ATP10B: variants seen among roughly 807,000 people sequenced by gnomAD.
The protein encoded by ATP10B is ATPase phospholipid transporting 10B (putative), also known as phospholipid-transporting ATPase VB.
ATP10B carries 122 observed loss-of-function variants against 141.2 expected under a neutral mutation model. That is an observed-to-expected ratio of 0.86 (90% CI 0.75 to 1.00). The LOEUF (loss-of-function observed/expected upper bound fraction) is 1.00. Ranked by LOEUF, ATP10B falls within the 50% of genes least tolerant of loss-of-function variation. The pLI, the probability that ATP10B is intolerant of heterozygous loss-of-function variation, is 0.00. For missense variants in ATP10B, 1,876 were observed against 1,825.3 expected (o/e 1.03, Z -0.51); for synonymous variants, 685 against 692.0 (o/e 0.99, Z 0.16).
the ATP10B span, among the ~76,000 whole-genome samples, chr5:160,916,632 G>A: frequency 0.041 from 6,224 of 152,200 alleles, 169 homozygotes; most frequent in South Asian, 0.078. Flanking sequence ...CCATTTTAGT[G>A]TTAAGGAAAT....
At position 160,565,810 on chromosome 5, in the gene ATP10B, GTTTCT is replaced by G; in HGVS notation, c.4024_4028del (p.Arg1342ProfsTer43). The G allele has an allele frequency of 6.2e-7, 1 of 1,614,080 alleles. No homozygotes were observed. Among genetic ancestry groups the G allele is most frequent in the Non-Finnish European group, 8.5e-7 (1 of 1,179,970 alleles). On this transcript the variant is annotated frameshift_variant, in exon 26 of 26. Coordinates refer to ENST00000327245, the MANE Select transcript of ATP10B (RefSeq NM_025153.3). LOFTEE classifies it low-confidence loss of function (END_TRUNC). ...TGCTTCTCCAACTCTGGATTTCCAG[GTTTCT>G]TTTGTCTGGGGGGAGTTTGTCAATT... is the stretch of plus-strand genomic sequence containing the variant.
rs751303457 is a variant in ATP10B at position 160,565,771 on chromosome 5, G to C, written c.4068C>G (p.Ala1356=). The C allele has an allele frequency of 1.9e-6, 3 of 1,613,894 alleles. No homozygotes were observed. Among genetic ancestry groups the C allele is most frequent in the Middle Eastern group, 1.6e-4 (1 of 6,082 alleles). ...TTGGTCGAGCCACTTCGGGGACAGG[G>C]GCAGGCCTCTGTCTGCTTCTCCAAC... is the stretch of plus-strand genomic sequence containing the variant. ...IQSWRSRQRP[A]PVPEVARPTH... The change falls in exon 26 of 26, where the codon GCC becomes GCG. Residue 1356 remains alanine (A), a synonymous_variant. Coordinates refer to ENST00000327245, the MANE Select transcript of ATP10B (RefSeq NM_025153.3).
intron 24 of ATP10B, 46 bp downstream of exon 24, chr5:160,589,546 G>T: frequency 7.0e-7 from 1 of 1,426,084 alleles, no homozygotes; most frequent in South Asian, 1.1e-5. Context: ...TATAGTCAAT[G>T]GGCAGGAGCA....
intron 24 of ATP10B, among the ~76,000 whole-genome samples, chr5:160,574,269 C>T (rs111648012): frequency 0.015 from 2,225 of 152,200 alleles, 57 homozygotes; most frequent in African/African-American, 0.051. Context: ...CTTGTCTCTA[C>T]TACAAATACA....
chr5:160,825,702 G>C (rs1257193544), intron 1 of ATP10B, among the ~76,000 whole-genome samples: 1 of 152,104 alleles, frequency 6.6e-6, no homozygotes, highest in Non-Finnish European at 1.5e-5. Flanking sequence ...TTTCATTTTA[G>C]ATACGGGGAT....
At chr5:160,882,598 A>T in the ATP10B span, among the ~76,000 whole-genome samples, 1,904 of 33,738 alleles carry the variant, frequency 0.056, 37 homozygotes, top group African/African-American at 0.08. Flanking sequence ...ATAAATTCAT[A>T]AAAAAGTCAT....
At chr5:160,783,305 AAT>A (rs1165625368) in intron 2 of ATP10B, among the ~76,000 whole-genome samples, 1 of 151,142 alleles carries the variant, frequency 6.6e-6, no homozygotes, top group African/African-American at 2.4e-5. Context: ...CACTTAGACT[AAT>A]AGTCTCCAGT....
the ATP10B span, among the ~76,000 whole-genome samples, chr5:160,882,104 G>C: frequency 6.6e-6 from 1 of 152,208 alleles, no homozygotes; most frequent in East Asian, 1.9e-4. Context: ...GGGAGGAGGA[G>C]GCAAGGAATG....
chr5:160,791,498 G>A (rs746901385), intron 1 of ATP10B, among the ~76,000 whole-genome samples: 4 of 152,090 alleles, frequency 2.6e-5, no homozygotes, highest in African/African-American at 7.2e-5. Context: ...CTGGAGATAG[G>A]CAGTCCAGGG....
intron 2 of ATP10B, among the ~76,000 whole-genome samples, chr5:160,738,529 G>A (rs1054183986): frequency 4.6e-5 from 7 of 151,940 alleles, no homozygotes; most frequent in African/African-American, 1.7e-4. Context: ...TCTCAAAAAG[G>A]TAGAAGAAAT....
chr5:160,846,438 T>C (rs1311121361), intron 1 of ATP10B, among the ~76,000 whole-genome samples: 1 of 152,184 alleles, frequency 6.6e-6, no homozygotes, highest in African/African-American at 2.4e-5. Context: ...CATTGACAAT[T>C]AAAACTGGAA....
In ATP10B at chr5:160,570,811, CTTTA is replaced by C. The variant is rs1369972226; in HGVS notation, c.3751-1132_3751-1129del. Among the ~76,000 whole-genome samples the C allele has an allele frequency of 2.0e-5, 3 of 152,242 alleles. No individual in the cohort carries two copies. In the East Asian group the frequency reaches 5.8e-4, roughly 29 times the overall value. ...TCTGACAGTGATATGCTCTCTGATG[CTTTA>C]TTTCATTGTTCTTGAAATTTGTCTT... On this transcript the variant is annotated intron_variant, in intron 24 of 25. Coordinates refer to ENST00000327245, the MANE Select transcript of ATP10B (RefSeq NM_025153.3).
Position 160,606,837 on chromosome 5 carries a change from A to T in ATP10B, c.3088T>A (p.Ser1030Thr). ...ATCATACTCTTCTGGAGTGGCGTGG[A>T]GCGGCAGCACAGGACGGACCGACAA... ...QYCRSVLCCRSTPLQKSMIVK... is the reference protein window; with the variant it reads ...QYCRSVLCCRTTPLQKSMIVK... The change falls in exon 19 of 26, where the codon TCC becomes ACC. Residue 1030 changes from serine to threonine, a missense_variant. Ser to Thr is a moderately conservative substitution (Grantham distance 58). Coordinates refer to ENST00000327245, the MANE Select transcript of ATP10B (RefSeq NM_025153.3). 1 of 1,614,122 alleles carries T rather than the reference A, an allele frequency of 6.2e-7. No individual in the cohort carries two copies. Among genetic ancestry groups the T allele is most frequent in the Non-Finnish European group, 8.5e-7 (1 of 1,179,998 alleles).
At chr5:160,830,587 A>T (rs2127976012) in intron 1 of ATP10B, among the ~76,000 whole-genome samples, 1 of 152,244 alleles carries the variant, frequency 6.6e-6, no homozygotes, top group African/African-American at 2.4e-5. Flanking sequence ...GGCTATCCAT[A>T]GAGAAAACAC....
intron 1 of ATP10B, among the ~76,000 whole-genome samples, chr5:160,810,721 G>A (rs529612318): frequency 2.0e-5 from 3 of 152,112 alleles, no homozygotes; most frequent in African/African-American, 7.2e-5. Context: ...CTTATTATGA[G>A]GCTATGTCCT....
intron 1 of ATP10B, among the ~76,000 whole-genome samples, chr5:160,823,186 A>G (rs1028436276): frequency 6.6e-6 from 1 of 151,812 alleles, no homozygotes; most frequent in African/African-American, 2.4e-5. Flanking sequence ...TGGTACATAT[A>G]CACCATGGAA....
intron 1 of ATP10B, among the ~76,000 whole-genome samples, chr5:160,807,228 G>C (rs55908298): frequency 0.37 from 55,906 of 152,066 alleles, 11,608 homozygotes; most frequent in East Asian, 0.6. Flanking sequence ...AATGCATGAA[G>C]TTTGCTGGTA....
intron 24 of ATP10B, among the ~76,000 whole-genome samples, chr5:160,570,438 AAGTCTAAACAAGCAAATATACTGC>A (rs1390911809): frequency 1.3e-5 from 2 of 152,198 alleles, no homozygotes; most frequent in Non-Finnish European, 2.9e-5. Flanking sequence ...ATTACTCAAT[AAGTCTAAACAAGCAAATATACTGC>A]AGTCTAAACA....
At chr5:160,595,861 A>G (rs1756653673) in intron 22 of ATP10B, among the ~76,000 whole-genome samples, 1 of 151,674 alleles carries the variant, frequency 6.6e-6, no homozygotes, top group South Asian at 2.1e-4. Context: ...GAATCTCTGA[A>G]TAGACCAATA....
Sources: allele counts gnomAD v4.1 joint callset (sites outside exome capture counted in the v4.1 genomes callset), GRCh38; gene constraint gnomAD v4.1.1; transcripts MANE v1.5; gene names NCBI Gene and HGNC (gene_info 2026-07-23, HGNC 2026-07-21).